The following MBNL3 variants were observed in gnomAD, a reference collection of about 807,000 sequenced individuals.
MBNL3 encodes muscleblind-like protein 3.
In MBNL3, 6 loss-of-function variants were observed where a neutral mutation model predicts 24.5. The ratio of observed to expected loss-of-function variants is 0.25; its 90% CI spans 0.13 to 0.48. The LOEUF (loss-of-function observed/expected upper bound fraction) is 0.48, where lower values mean the gene tolerates loss of function less well. MBNL3 is among the 20% of genes least tolerant of loss of function. MBNL3 has a pLI of 0.99. For missense variants in MBNL3, 230 were observed against 293.5 expected, an observed-to-expected ratio of 0.78 and a Z score of 1.58; for synonymous variants, 100 against 101.7, an observed-to-expected ratio of 0.98 and a Z score of 0.10.
rs1569395483 is a variant in MBNL3 at position 132,369,522 on chromosome X, C to A, written c.*10144G>T. On this transcript the variant is annotated 3_prime_UTR_variant, in exon 9 of 9. Transcript: ENST00000370853. ...TAGTCCCCATCTTATGCTTTCCCAC[C>A]CTCTTCTTGAAAACTACATTGAACC... The A allele has an allele frequency of 9.0e-6, 1 of 111,108 alleles. No individual in the cohort carries two copies. Among genetic ancestry groups the A allele is most frequent in the Non-Finnish European group, 1.9e-5 (1 of 52,979 alleles). The allele number at this position is 111,108 out of a possible 1,213,427, so 9.2% of individuals were successfully genotyped here. A position where few individuals can be genotyped will look rare whatever the true frequency, so the allele number is the denominator to read the frequency against.
chrX:132,391,816 T>C, intron 4 of MBNL3, among the ~76,000 whole-genome samples: 1 of 111,552 alleles, frequency 9.0e-6, no homozygotes, highest in Non-Finnish European at 1.9e-5. Context: ...ACTTTGATTA[T>C]TCTAGCAAGT....
intron 3 of MBNL3, among the ~76,000 whole-genome samples, chrX:132,393,858 G>C (rs964965731): frequency 9.0e-6 from 1 of 111,124 alleles, no homozygotes; most frequent in African/African-American, 3.3e-5. Flanking sequence ...ATAGAAACAA[G>C]TCTAAATACA....
At chrX:132,423,652 T>C (rs772330504) in intron 2 of MBNL3, among the ~76,000 whole-genome samples, 1 of 111,549 alleles carries the variant, frequency 9.0e-6, no homozygotes, top group African/African-American at 3.3e-5. Context: ...ACACATCTCA[T>C]ACAACCCTTT....
chrX:132,390,265 CAAAAAAAAAA>C (rs59093044), intron 5 of MBNL3, among the ~76,000 whole-genome samples: 2 of 31,618 alleles, frequency 6.3e-5, no homozygotes, highest in African/African-American at 1.3e-4. Flanking sequence ...ACAACAACAA[CAAAAAAAAAA>C]AAAAAAAAAA....
At chrX:132,438,475 G>A (rs1945233513) in intron 2 of MBNL3, among the ~76,000 whole-genome samples, 1 of 110,757 alleles carries the variant, frequency 9.0e-6, no homozygotes, top group Non-Finnish European at 1.9e-5. Context: ...CATGATGAAG[G>A]TAAAACAATA....
At chrX:132,456,596 A>G (rs138095800) in intron 1 of MBNL3, among the ~76,000 whole-genome samples, 13 of 112,422 alleles carry the variant, frequency 1.2e-4, no homozygotes, top group African/African-American at 4.2e-4. Flanking sequence ...TTAAAGGGCA[A>G]CATTAAAATT....
rs1602997107 is a variant in MBNL3 at position 132,370,665 on chromosome X, C to G, written c.*9001G>C. On this transcript the variant is annotated 3_prime_UTR_variant, in exon 9 of 9. Coordinates refer to ENST00000370853, the MANE Select transcript of MBNL3 (RefSeq NM_001386889.1). ...TTGAACACCATAGGGTAATTTGTCT[C>G]TTAGATCTCAACTATGAGCAGTTCT... The G allele has an allele frequency of 8.9e-6, 1 of 111,741 alleles. No individual in the cohort carries two copies. The highest frequency in any genetic ancestry group is 3.8e-4 in the South Asian group (1 of 2,664). The allele number at this position is 111,741 out of a possible 1,213,427, so 9.2% of individuals were successfully genotyped here.
At chrX:132,469,652 G>A (rs1487175625) in intron 1 of MBNL3, among the ~76,000 whole-genome samples, 2 of 112,061 alleles carry the variant, frequency 1.8e-5, no homozygotes, top group African/African-American at 3.2e-5. Context: ...ATTCTAAAAT[G>A]GGAATAATAT....
rs138348710 is a variant in MBNL3, at chrX:132,487,942, A to G, written c.-704+909T>C. On this transcript the variant is annotated intron_variant, in intron 1 of 8. Coordinates refer to ENST00000370853, the MANE Select transcript of MBNL3 (RefSeq NM_001386889.1). ...ACCAACAATCTGTTTTCCAAACATT[A>G]TATCAGTAATCACCCAAACGTTTAT... Among the ~76,000 whole-genome samples, 7 of 112,019 alleles carry G rather than the reference A, an allele frequency of 6.2e-5. No homozygotes were observed. In the East Asian group the frequency reaches 1.4e-3, roughly 22 times the overall value.
At chrX:132,458,588 C>T (rs1225860916) in intron 1 of MBNL3, among the ~76,000 whole-genome samples, 1 of 110,641 alleles carries the variant, frequency 9.0e-6, no homozygotes, top group Non-Finnish European at 1.9e-5. Context: ...AGTGGTTGGC[C>T]CACTTTATAA....
chrX:132,429,645 C>T (rs1944575148), intron 2 of MBNL3, among the ~76,000 whole-genome samples: 1 of 112,035 alleles, frequency 8.9e-6, no homozygotes, highest in Non-Finnish European at 1.9e-5. Flanking sequence ...GAAAAGTTGG[C>T]TTATCCACGC....
At chrX:132,437,220 T>C (rs1298285665) in intron 2 of MBNL3, among the ~76,000 whole-genome samples, 1 of 111,359 alleles carries the variant, frequency 9.0e-6, no homozygotes, top group Non-Finnish European at 1.9e-5. Context: ...TCTATGATGT[T>C]TGGAAAGATA....
intron 3 of MBNL3, among the ~76,000 whole-genome samples, chrX:132,396,913 TACATATATATTCATATATAC>T (rs1939700985): frequency 5.6e-5 from 4 of 71,395 alleles, no homozygotes; most frequent in Non-Finnish European, 9.9e-5. Context: ...TATACATATA[TACATATATATTCATATATAC>T]ATTCATATAT....
intron 1 of MBNL3, among the ~76,000 whole-genome samples, chrX:132,466,557 G>A (rs1946894529): frequency 8.9e-6 from 1 of 112,037 alleles, no homozygotes; most frequent in South Asian, 3.7e-4. Context: ...AATGACATGG[G>A]CTCTTGAGTG....
At chrX:132,425,279 A>G (rs891539478) in intron 2 of MBNL3, among the ~76,000 whole-genome samples, 9 of 112,015 alleles carry the variant, frequency 8.0e-5, no homozygotes, top group Non-Finnish European at 1.5e-4. Context: ...AATGGAGATG[A>G]ACATGGAGAA....
At chrX:132,398,129 C>T (rs899477990) in intron 3 of MBNL3, among the ~76,000 whole-genome samples, 1 of 111,200 alleles carries the variant, frequency 9.0e-6, no homozygotes, top group Non-Finnish European at 1.9e-5. Context: ...GTAAGAGGAA[C>T]CATTGAAGGC....
At chrX:132,396,568 C>A (rs376684956) in intron 3 of MBNL3, among the ~76,000 whole-genome samples, 7 of 31,311 alleles carry the variant, frequency 2.2e-4, no homozygotes, top group South Asian at 1.7e-3. Flanking sequence ...ATATATATTC[C>A]TATATATATT....
intron 3 of MBNL3, among the ~76,000 whole-genome samples, chrX:132,402,479 C>T (rs5977697): frequency 0.011 from 1,257 of 111,830 alleles, 24 homozygotes; most frequent in African/African-American, 0.038. Context: ...ACTGTGCCTA[C>T]TCTTTCTAAT....
At chrX:132,422,517 G>A (rs767262254) in intron 2 of MBNL3, among the ~76,000 whole-genome samples, 1 of 111,835 alleles carries the variant, frequency 8.9e-6, no homozygotes, top group South Asian at 3.7e-4. Flanking sequence ...ATACCTCTCA[G>A]AGCCTTTTCT....
Sources: gnomAD v4.1 joint callset for allele counts (sites outside exome capture counted in the v4.1 genomes callset) on GRCh38, gnomAD v4.1.1 for gene constraint, MANE v1.5 for transcripts, NCBI Gene and HGNC (gene_info 2026-07-23, HGNC 2026-07-21) for gene names.